The following GNA12 variants were observed in gnomAD, a reference collection of about 807,000 sequenced individuals.
The protein encoded by GNA12 is G protein subunit alpha 12, also known as guanine nucleotide-binding protein subunit alpha-12.
A neutral mutation model predicts 26.0 loss-of-function variants in GNA12; 9 were observed. The ratio of observed to expected loss-of-function variants is 0.35; its 90% CI spans 0.21 to 0.60. The LOEUF (loss-of-function observed/expected upper bound fraction) is 0.60. Among genes scored for constraint, GNA12 ranks in the 20% least tolerant of loss-of-function variants. The probability of loss-of-function intolerance (pLI) is 0.78; values close to 1 mark genes in which losing one functional copy is unlikely to be tolerated. For synonymous variants in GNA12, 264 were observed against 219.6 expected (o/e 1.20, Z -1.79); for missense variants, 405 against 525.8 (o/e 0.77, Z 2.25).
intron 2 of GNA12, among the ~76,000 whole-genome samples, chr7:2,777,338 T>C (rs1347236335): frequency 6.6e-6 from 1 of 152,242 alleles, no homozygotes. Context: ...AGAGATGATA[T>C]TGTCTCTTAG....
chr7:2,774,535 A>G (rs1583270437), intron 2 of GNA12, among the ~76,000 whole-genome samples: 1 of 152,348 alleles, frequency 6.6e-6, no homozygotes, highest in South Asian at 2.1e-4. Context: ...GTGCGCCTGC[A>G]GCAGTGACAG....
chr7:2,733,536 G>A, intron 2 of GNA12, 35 bp from the exon 3 acceptor site: 3 of 1,534,534 alleles, frequency 2.0e-6, no homozygotes, highest in Non-Finnish European at 2.7e-6. Context: ...AGCTCAGTCT[G>A]GACTGAGGAA....
At chr7:2,754,314 T>G (rs771153090) in intron 2 of GNA12, among the ~76,000 whole-genome samples, 1 of 152,182 alleles carries the variant, frequency 6.6e-6, no homozygotes, top group Non-Finnish European at 1.5e-5. Context: ...GTTTTGTTAT[T>G]TTCTGTTTGG....
chr7:2,839,406 T>C (rs1014842885), intron 1 of GNA12, among the ~76,000 whole-genome samples: 1 of 151,934 alleles, frequency 6.6e-6, no homozygotes, highest in African/African-American at 2.4e-5. Flanking sequence ...GTTTTTGAAA[T>C]GGAGTCTTGC....
chr7:2,807,117 G>A lies in GNA12; in HGVS notation c.310-11974C>T, dbSNP rs77592438. On this transcript the variant is annotated intron_variant, in intron 1 of 3. Transcript: ENST00000275364. The stretch of plus-strand genomic sequence containing the variant: ...CCTCCAATAATATCTAAGCAGTCAT[G>A]ACCTCAAACCACAGCTCAAAGAGAA... Among the ~76,000 whole-genome samples the A allele has an allele frequency of 9.6e-3, 1,460 of 152,226 alleles. 10 individuals carry two copies. The highest frequency in any genetic ancestry group is 0.075 in the Middle Eastern group (22 of 294).
intron 2 of GNA12, among the ~76,000 whole-genome samples, chr7:2,747,254 T>C (rs1161999367): frequency 6.6e-6 from 1 of 152,174 alleles, no homozygotes; most frequent in Admixed American, 6.5e-5. Context: ...TGATGAACAT[T>C]GATGCAAAAA....
intron 2 of GNA12, among the ~76,000 whole-genome samples, chr7:2,765,342 G>A (rs936928208): frequency 3.9e-5 from 6 of 152,008 alleles, no homozygotes; most frequent in Admixed American, 6.5e-5. Flanking sequence ...TAGAGATGGG[G>A]TTTCATTTAG....
intron 2 of GNA12, among the ~76,000 whole-genome samples, chr7:2,755,857 C>T (rs953055497): frequency 6.6e-6 from 1 of 152,174 alleles, no homozygotes; most frequent in Non-Finnish European, 1.5e-5. Flanking sequence ...ATGTCATATT[C>T]ATGAAATGGA....
intron 1 of GNA12, chr7:2,815,164 A>C: frequency 1.7e-6 from 1 of 574,228 alleles, no homozygotes; most frequent in South Asian, 2.1e-5. Context: ...GCAAGTGGAC[A>C]GGAACATCGG....
At chr7:2,769,083 T>C (rs550411218) in intron 2 of GNA12, among the ~76,000 whole-genome samples, 100 of 152,266 alleles carry the variant, frequency 6.6e-4, no homozygotes, top group African/African-American at 2.3e-3. Flanking sequence ...TTTGTATTTT[T>C]AGTAGAGACA....
Position 2,843,946 on chromosome 7 carries a change from C to G in GNA12, c.216G>C (p.Thr72=), listed in dbSNP as rs1340948204. 1.9e-6 allele frequency: 3 copies of G among 1,592,850 alleles called. No homozygotes were observed. The highest frequency in any genetic ancestry group is 2.6e-6 in the Non-Finnish European group (3 of 1,171,672). The change falls in exon 1 of 4, where the codon ACG becomes ACC. Residue 72 remains threonine, a synonymous_variant. Coordinates refer to ENST00000275364, the MANE Select transcript of GNA12 (RefSeq NM_007353.3). ...LLGAGESGKS[T]FLKQMRIIHG... is the part of the protein sequence containing the mutation. ...GGATGATGCGCATCTGCTTGAGGAA[C>G]GTGGACTTGCCGCTCTCGCCCGCGC...
chr7:2,769,863 G>A (rs1791904606), intron 2 of GNA12, among the ~76,000 whole-genome samples: 4 of 152,072 alleles, frequency 2.6e-5, no homozygotes, highest in African/African-American at 9.7e-5. Flanking sequence ...TTAACACACT[G>A]GATATTATCA....
chr7:2,747,747 G>A (rs913481718), intron 2 of GNA12, among the ~76,000 whole-genome samples: 4 of 152,184 alleles, frequency 2.6e-5, no homozygotes, highest in South Asian at 2.1e-4. Context: ...GTTTGCAGAC[G>A]ACATGATTGT....
intron 1 of GNA12, among the ~76,000 whole-genome samples, chr7:2,800,438 C>T (rs967286146): frequency 4.6e-5 from 7 of 152,168 alleles, no homozygotes; most frequent in African/African-American, 1.7e-4. Flanking sequence ...GGGCGCACAA[C>T]CACACACAGT....
intron 2 of GNA12, 80 bp downstream of exon 2, chr7:2,794,848 A>T: frequency 9.7e-7 from 1 of 1,025,970 alleles, no homozygotes; most frequent in Non-Finnish European, 1.5e-6. Flanking sequence ...ACAGTTTTTA[A>T]GGAAATTCAA....
chr7:2,734,483 T>C (rs944504070), intron 2 of GNA12, among the ~76,000 whole-genome samples: 15 of 152,126 alleles, frequency 9.9e-5, no homozygotes, highest in African/African-American at 3.6e-4. Context: ...GTCATACACA[T>C]GTGGCGAGCT....
chr7:2,758,419 C>T (rs1489130832), intron 2 of GNA12, among the ~76,000 whole-genome samples: 7 of 152,164 alleles, frequency 4.6e-5, no homozygotes, highest in Admixed American at 4.6e-4. Context: ...AGTGTCTCAG[C>T]AGTTTCATGT....
intron 1 of GNA12, among the ~76,000 whole-genome samples, chr7:2,796,782 ATAAC>A (rs1351374875): frequency 2.0e-5 from 3 of 152,222 alleles, no homozygotes; most frequent in Non-Finnish European, 4.4e-5. Flanking sequence ...GGATGAAGAA[ATAAC>A]TAACATAGTA....
At chr7:2,750,389 A>AATACTGGAG (rs1790974852) in intron 2 of GNA12, among the ~76,000 whole-genome samples, 1 of 152,214 alleles carries the variant, frequency 6.6e-6, no homozygotes, top group Non-Finnish European at 1.5e-5. Flanking sequence ...TTTAAGAAAA[A>AATACTGGAG]ATACTGGAGT....
Sources: allele counts gnomAD v4.1 joint callset (sites outside exome capture counted in the v4.1 genomes callset), GRCh38; gene constraint gnomAD v4.1.1; transcripts MANE v1.5; gene names NCBI Gene and HGNC (gene_info 2026-07-23, HGNC 2026-07-21).